PTPRT: variants seen among roughly 807,000 people sequenced by gnomAD.
PTPRT encodes the protein receptor-type tyrosine-protein phosphatase T.
In PTPRT, 56 loss-of-function variants were observed where a neutral mutation model predicts 176.8. The observed-to-expected ratio is 0.32, with a 90% CI of 0.26 to 0.40. The LOEUF (loss-of-function observed/expected upper bound fraction) is 0.40. Ranked by LOEUF, PTPRT falls within the 10% of genes least tolerant of loss-of-function variation. The pLI is 1.00. For missense variants in PTPRT, 1,540 were observed against 1,908.2 expected (o/e 0.81, Z 3.60); for synonymous variants, 783 against 739.0 (o/e 1.06, Z -0.96).
chr20:42,148,871 G>C (rs1218426242), intron 17 of PTPRT, among the ~76,000 whole-genome samples: 2 of 152,174 alleles, frequency 1.3e-5, no homozygotes, highest in African/African-American at 4.8e-5. Flanking sequence ...GCCTCTATCT[G>C]ATCTTCCCTT....
intron 14 of PTPRT, among the ~76,000 whole-genome samples, chr20:42,242,037 G>A (rs1225475635): frequency 6.6e-6 from 1 of 152,100 alleles, no homozygotes; most frequent in African/African-American, 2.4e-5. Context: ...TTTCTGATCT[G>A]TAGTACCCTT....
chr20:42,893,628 TA>T (rs2079236001), intron 1 of PTPRT, among the ~76,000 whole-genome samples: 1 of 151,856 alleles, frequency 6.6e-6, no homozygotes, highest in Non-Finnish European at 1.5e-5. Flanking sequence ...CCAACAACGA[TA>T]GACTGGATTA....
At chr20:42,481,257 A>T (rs2071379557) in intron 7 of PTPRT, among the ~76,000 whole-genome samples, 1 of 152,184 alleles carries the variant, frequency 6.6e-6, no homozygotes, top group South Asian at 2.1e-4. Context: ...ATAAATGACT[A>T]TGATTGTCAC....
intron 15 of PTPRT, among the ~76,000 whole-genome samples, chr20:42,231,397 C>T (rs1024728668): frequency 6.6e-6 from 1 of 152,218 alleles, no homozygotes; most frequent in Non-Finnish European, 1.5e-5. Context: ...CTTCAGACTT[C>T]AGTCTTAACA....
intron 17 of PTPRT, among the ~76,000 whole-genome samples, chr20:42,158,417 G>C (rs1989449383): frequency 6.6e-6 from 1 of 152,096 alleles, no homozygotes; most frequent in South Asian, 2.1e-4. Flanking sequence ...GCTTGCTATG[G>C]CTGAGATGTC....
At chr20:42,809,925 C>G (rs1256049306) in intron 2 of PTPRT, among the ~76,000 whole-genome samples, 1 of 152,164 alleles carries the variant, frequency 6.6e-6, no homozygotes, top group African/African-American at 2.4e-5. Context: ...CGTGATTCAA[C>G]CCCACTACAA....
chr20:42,270,366 C>CCCA, intron 13 of PTPRT: 8 of 1,333,540 alleles, frequency 6.0e-6, no homozygotes, highest in South Asian at 1.3e-5. Context: ...GCAACTCTCC[C>CCCA]CTCCCACCCG....
At chr20:42,104,823 TC>T (rs1986278824) in intron 24 of PTPRT, 105 bp from the exon 25 acceptor site, 1 of 1,244,732 alleles carries the variant, frequency 8.0e-7, no homozygotes, top group African/African-American at 1.5e-5. Flanking sequence ...ACATGATTTA[TC>T]AATATATTAC....
chr20:43,109,120 C>T (rs1008624753), intron 1 of PTPRT, among the ~76,000 whole-genome samples: 16 of 152,044 alleles, frequency 1.1e-4, no homozygotes, highest in Admixed American at 7.2e-4. Context: ...TTTCCTTGCT[C>T]TCCAGGACAC....
At chr20:42,532,894 C>A (rs1483170982) in intron 7 of PTPRT, among the ~76,000 whole-genome samples, 1 of 152,128 alleles carries the variant, frequency 6.6e-6, no homozygotes, top group African/African-American at 2.4e-5. Flanking sequence ...AGTCTACACC[C>A]CCAATAAAGA....
intron 11 of PTPRT, among the ~76,000 whole-genome samples, chr20:42,317,333 G>A (rs1414153260): frequency 2.0e-5 from 3 of 152,126 alleles, no homozygotes; most frequent in Non-Finnish European, 4.4e-5. Context: ...TTCTTTTAAG[G>A]TTTGTAAGTT....
intron 7 of PTPRT, among the ~76,000 whole-genome samples, chr20:42,556,472 C>A (rs1421698958): frequency 6.6e-6 from 1 of 152,136 alleles, no homozygotes; most frequent in Non-Finnish European, 1.5e-5. Flanking sequence ...GAAACCCCAC[C>A]TTCCTGAAAC....
chr20:42,843,115 C>T (rs1238804226), intron 2 of PTPRT, among the ~76,000 whole-genome samples: 1 of 152,144 alleles, frequency 6.6e-6, no homozygotes, highest in Non-Finnish European at 1.5e-5. Context: ...GATTATATTC[C>T]CTTCCAAGGA....
chr20:42,244,727 A>T (rs1269294735), intron 14 of PTPRT, among the ~76,000 whole-genome samples: 1 of 152,210 alleles, frequency 6.6e-6, no homozygotes, highest in Non-Finnish European at 1.5e-5. Context: ...TTGTGTGCGC[A>T]TACATATAAT....
intron 18 of PTPRT, among the ~76,000 whole-genome samples, chr20:42,133,383 C>T (rs948276640): frequency 1.3e-5 from 2 of 152,158 alleles, no homozygotes; most frequent in African/African-American, 4.8e-5. Context: ...TATCAAGCTG[C>T]AACAGACATG....
chr20:42,141,833 T>C, intron 18 of PTPRT, 82 bp downstream of exon 18: 1 of 1,280,002 alleles, frequency 7.8e-7, no homozygotes. Flanking sequence ...TGATAACAAA[T>C]TCCAGGTAAA....
At chr20:42,356,832 C>A (rs529874764) in intron 9 of PTPRT, among the ~76,000 whole-genome samples, 1 of 152,156 alleles carries the variant, frequency 6.6e-6, no homozygotes, top group Non-Finnish European at 1.5e-5. Context: ...CGTCCTCCCC[C>A]CAGCACCCCA....
chr20:42,691,796 G>A (rs1170924466), intron 6 of PTPRT, among the ~76,000 whole-genome samples: 2 of 152,152 alleles, frequency 1.3e-5, no homozygotes, highest in Non-Finnish European at 2.9e-5. Flanking sequence ...TTCTGACTAA[G>A]CCAGATGGAC....
At chr20:42,608,341 T>A (rs1476611899) in intron 7 of PTPRT, among the ~76,000 whole-genome samples, 3 of 152,170 alleles carry the variant, frequency 2.0e-5, no homozygotes, top group Admixed American at 6.5e-5. Flanking sequence ...ATGAGGTCTC[T>A]GGAAACCCAG....
Sources: allele counts gnomAD v4.1 joint callset (sites outside exome capture counted in the v4.1 genomes callset), GRCh38; gene constraint gnomAD v4.1.1; transcripts MANE v1.5; gene names NCBI Gene and HGNC (gene_info 2026-07-23, HGNC 2026-07-21).